SLC6A14: variants seen among roughly 807,000 people sequenced by gnomAD.
SLC6A14 encodes the protein solute carrier family 6 member 14, also known as sodium- and chloride-dependent neutral and basic amino acid transporter B(0+).
Under a neutral mutation model 51.4 loss-of-function variants are expected in SLC6A14, and 21 were observed. That is an observed-to-expected ratio of 0.41 (90% CI 0.29 to 0.59). The LOEUF (loss-of-function observed/expected upper bound fraction) is 0.59. Ranked by LOEUF, SLC6A14 falls within the 20% of genes least tolerant of loss-of-function variation. The pLI is 0.31. For synonymous variants in SLC6A14, 177 were observed against 160.7 expected, an observed-to-expected ratio of 1.10 and a Z score of -0.77; for missense variants, 371 against 472.8, an observed-to-expected ratio of 0.78 and a Z score of 2.00.
intron 6 of SLC6A14, among the ~76,000 whole-genome samples, chrX:116,445,505 A>AGAGAGAGAGAG (rs1556693962): frequency 1.5e-4 from 13 of 86,111 alleles, no homozygotes; most frequent in East Asian, 1.3e-3. Context: ...AGAGAGAGAG[A>AGAGAGAGAGAG]AATGTGTGTG....
rs1006093973 is a variant in SLC6A14 at position 116,443,782 on chromosome X, A to G, written c.648A>G (p.Gln216=). The G allele has an allele frequency of 2.5e-6, 3 of 1,193,836 alleles. No homozygotes were observed. Among genetic ancestry groups the G allele is most frequent in the African/African-American group, 1.8e-5 (1 of 56,646 alleles). The part of the protein sequence containing the change: ...IYQPGQLPSE[Q]YWNKVALQRS... ...AGCCAGGGCAGCTTCCCAGTGAACA[A>G]TATTGGAAGTAAGTATACTAGATGA... Residue 216 remains glutamine, a synonymous_variant, in exon 5 of 14, where the codon CAA becomes CAG. Transcript: ENST00000598581.
intron 1 of SLC6A14, among the ~76,000 whole-genome samples, chrX:116,437,525 G>A (rs991202899): frequency 9.0e-6 from 1 of 111,520 alleles, no homozygotes; most frequent in Admixed American, 9.6e-5. Flanking sequence ...CACATTTAAC[G>A]TTTTTACCAA....
At chrX:116,456,609 A>G (rs1266147862) in intron 12 of SLC6A14, among the ~76,000 whole-genome samples, 1 of 111,100 alleles carries the variant, frequency 9.0e-6, no homozygotes, top group African/African-American at 3.3e-5. Flanking sequence ...ATATGAAATG[A>G]TTTACATTGC....
chrX:116,458,861 A>G lies in SLC6A14; in HGVS notation c.1835A>G (p.Gln612Arg). 8.3e-7 allele frequency: 1 copy of G among 1,206,412 alleles called. No individual in the cohort carries two copies. Among genetic ancestry groups the G allele is most frequent in the Non-Finnish European group, 1.1e-6 (1 of 892,424 alleles). ...TCTAACTGGGGTCCATACCTGGAAC[A>G]ACATCGTGGGGAAAGATATAAAGAC... ...PASNWGPYLE[Q>R]HRGERYKDMV... Residue 612 changes from glutamine (Q) to arginine (R), a missense_variant, in exon 14 of 14, where the codon CAA becomes CGA. Gln to Arg is a conservative substitution (Grantham distance 43). This residue lies in a region of SLC6A14 where 94 missense variants were observed against 81.0 expected (regional missense o/e 1.16). Transcript: ENST00000598581.
rs782395808 is a variant in SLC6A14, at chrX:116,442,855, T to C, written c.508+7T>C. The C allele has an allele frequency of 3.5e-6, 4 of 1,148,984 alleles. No homozygotes were observed. The highest frequency in any genetic ancestry group is 4.7e-6 in the Non-Finnish European group (4 of 859,781). The allele number at this position is 1,148,984 out of a possible 1,213,427, so 94.7% of individuals were successfully genotyped here. A position where few individuals can be genotyped will look rare whatever the true frequency, so the allele number is the denominator to read the frequency against. ...TGTAGCAGATCACCAATAGGTAAAA[T>C]TTGTCAACACCCAAATAGTTCTTTT... On this transcript the variant is annotated splice_region_variant and intron_variant, in intron 4 of 13. Transcript: ENST00000598581.
intron 7 of SLC6A14, among the ~76,000 whole-genome samples, chrX:116,448,020 A>G (rs1458794366): frequency 3.6e-5 from 4 of 112,380 alleles, no homozygotes; most frequent in Non-Finnish European, 7.5e-5. Flanking sequence ...CATACTACTA[A>G]TACTATTCAA....
At chrX:116,451,238 G>C (rs1385577373) in intron 7 of SLC6A14, among the ~76,000 whole-genome samples, 1 of 111,217 alleles carries the variant, frequency 9.0e-6, no homozygotes. Flanking sequence ...AATTGCCACT[G>C]GTGGGTAGAA....
At chrX:116,444,204 A>G (rs1927658069) in intron 5 of SLC6A14, among the ~76,000 whole-genome samples, 1 of 112,298 alleles carries the variant, frequency 8.9e-6, no homozygotes, top group African/African-American at 3.2e-5. Context: ...TTGTCATTAT[A>G]TGGTAAGAAT....
chrX:116,441,155 A>T, intron 3 of SLC6A14, 58 bp downstream of exon 3: 1 of 1,090,609 alleles, frequency 9.2e-7, no homozygotes, highest in Non-Finnish European at 1.3e-6. Flanking sequence ...GCTTTTTTGT[A>T]TATTTGTGCA....
chrX:116,447,597 T>A (rs1438296140), intron 7 of SLC6A14, among the ~76,000 whole-genome samples: 3 of 108,304 alleles, frequency 2.8e-5, no homozygotes, highest in African/African-American at 1.0e-4. Context: ...ACTTCTTTTT[T>A]TTTTTTTCTT....
intron 7 of SLC6A14, among the ~76,000 whole-genome samples, chrX:116,447,195 T>TA (rs1476639670): frequency 8.9e-6 from 1 of 111,751 alleles, no homozygotes; most frequent in Admixed American, 9.5e-5. Context: ...CATGCATAAA[T>TA]ACCCGCAAGT....
Position 116,451,613 on chromosome X carries a change from A to C in SLC6A14, c.1102A>C (p.Ile368Leu). ...SVFAGFAIFS[I>L]LGHMAHISGK... ...GTTTGCTGGATTTGCTATTTTTTCTATATTGGGACACATGGCCCATATATC... is the reference window on the plus strand; with the variant it reads ...GTTTGCTGGATTTGCTATTTTTTCTCTATTGGGACACATGGCCCATATATC... Residue 368 changes from isoleucine (I) to leucine (L), a missense_variant, in exon 8 of 14, where the codon ATA becomes CTA. Physicochemically the swap from Ile to Leu is conservative, Grantham distance 5. This residue lies in a region of SLC6A14 where 277 missense variants were observed against 391.8 expected (regional missense o/e 0.71). Transcript: ENST00000598581. 7 of 1,209,511 alleles carry C rather than the reference A, an allele frequency of 5.8e-6. No individual in the cohort carries two copies. Among genetic ancestry groups the C allele is most frequent in the Non-Finnish European group, 7.8e-6 (7 of 894,031 alleles).
At chrX:116,436,816 G>T (rs146597744) in intron 1 of SLC6A14, 59 bp downstream of exon 1, 2 of 1,053,937 alleles carry the variant, frequency 1.9e-6, no homozygotes, top group Non-Finnish European at 2.6e-6. Context: ...ACTTAAGGGG[G>T]GTTGCTAGTC....
intron 7 of SLC6A14, among the ~76,000 whole-genome samples, chrX:116,448,749 T>C (rs1927765216): frequency 9.0e-6 from 1 of 111,717 alleles, no homozygotes; most frequent in Non-Finnish European, 1.9e-5. Flanking sequence ...CTAAGATATA[T>C]GGGTTTTGTA....
intron 3 of SLC6A14, among the ~76,000 whole-genome samples, chrX:116,441,498 CA>C (rs2147385313): frequency 8.9e-6 from 1 of 112,220 alleles, no homozygotes; most frequent in East Asian, 2.8e-4. Context: ...TACAATGCCT[CA>C]TTCAGAAAAG....
chrX:116,454,527 A>G (rs1389444907), intron 10 of SLC6A14, 85 bp downstream of exon 10: 4 of 572,225 alleles, frequency 7.0e-6, no homozygotes, highest in Non-Finnish European at 1.1e-5. Flanking sequence ...GCTTAAGAGG[A>G]TGCTTAGTGA....
intron 4 of SLC6A14, 102 bp downstream of exon 4, chrX:116,442,950 C>G: frequency 1.9e-6 from 1 of 531,665 alleles, no homozygotes; most frequent in East Asian, 4.2e-5. Flanking sequence ...TTTAAATGTT[C>G]CAAAGGTCAC....
chrX:116,438,602 A>G (rs1261564145), intron 2 of SLC6A14, among the ~76,000 whole-genome samples: 5 of 112,029 alleles, frequency 4.5e-5, no homozygotes, highest in African/African-American at 1.6e-4. Context: ...TCATTAGGGT[A>G]GACTCAATTA....
At chrX:116,450,868 G>A (rs1927809494) in intron 7 of SLC6A14, among the ~76,000 whole-genome samples, 1 of 111,987 alleles carries the variant, frequency 8.9e-6, no homozygotes, top group East Asian at 2.8e-4. Flanking sequence ...GAACCTGTCA[G>A]GCAGAGATTA....
Sources: gnomAD v4.1 joint callset for allele counts (sites outside exome capture counted in the v4.1 genomes callset) on GRCh38, gnomAD v4.1.1 for gene constraint, gnomAD v4.1.1 regional missense constraint, MANE v1.5 for transcripts, NCBI Gene and HGNC (gene_info 2026-07-23, HGNC 2026-07-21) for gene names.